The following MACROD2 variants were observed in gnomAD, a reference collection of about 807,000 sequenced individuals.
MACROD2 encodes the protein ADP-ribose glycohydrolase MACROD2.
In MACROD2, 36 loss-of-function variants were observed where a neutral mutation model predicts 70.4. That is an observed-to-expected ratio of 0.51 (90% CI 0.39 to 0.68). The LOEUF is 0.68. Among genes scored for constraint, MACROD2 ranks in the 30% least tolerant of loss-of-function variants. The pLI is 0.00. For synonymous variants in MACROD2, 172 were observed against 178.8 expected (o/e 0.96, Z 0.30); for missense variants, 496 against 538.4 (o/e 0.92, Z 0.78).
Position 15,590,152 on chromosome 20 carries a change from T to G in MACROD2, c.645+90305T>G, listed in dbSNP as rs570158467. On this transcript the variant is annotated intron_variant, in intron 8 of 17. Coordinates refer to ENST00000684519, the MANE Select transcript of MACROD2 (RefSeq NM_001351661.2). ...GATGGAATATGAAAGGTGTGGAAAT[T>G]TGTGTTATTAATATTGTTACTTTCA... 3.8e-4 allele frequency among the ~76,000 whole-genome samples: 58 copies of G among 152,312 alleles called. 2 individuals are homozygous for G. The South Asian group carries it at 0.012, about 30-fold the overall frequency.
chr20:14,820,773 A>G (rs774206224), intron 5 of MACROD2, among the ~76,000 whole-genome samples: 1 of 151,938 alleles, frequency 6.6e-6, no homozygotes, highest in Non-Finnish European at 1.5e-5. Flanking sequence ...ATTGATTCAT[A>G]GGGATTTTAC....
Position 15,866,459 on chromosome 20 carries a change from G to GA in MACROD2, c.727+3642dup, listed in dbSNP as rs540497840. 5.3e-5 allele frequency among the ~76,000 whole-genome samples: 8 copies of GA among 149,580 alleles called. No individual in the cohort carries two copies. The South Asian group carries it at 8.4e-4, about 16-fold the overall frequency. On this transcript the variant is annotated intron_variant, in intron 9 of 17. Transcript: ENST00000684519. The stretch of plus-strand genomic sequence containing the variant: ...GATTTTAAAACCAAAAGGAAAAAAA[G>GA]AAAAAAAAATGGATGCCAAGGCAGC...
intron 8 of MACROD2, among the ~76,000 whole-genome samples, chr20:15,576,214 A>G (rs962826461): frequency 2.0e-5 from 3 of 152,124 alleles, no homozygotes; most frequent in African/African-American, 7.2e-5. Context: ...ACCACCTTAC[A>G]AGAGATTCAG....
chr20:14,014,813 TG>T (rs2052963948), intron 2 of MACROD2, among the ~76,000 whole-genome samples: 1 of 152,156 alleles, frequency 6.6e-6, no homozygotes, highest in South Asian at 2.1e-4. Flanking sequence ...TGTTTTGTTT[TG>T]TTTTTTTAGA....
chr20:14,102,078 A>G (rs1024089373), intron 3 of MACROD2, among the ~76,000 whole-genome samples: 104 of 130,016 alleles, frequency 8.0e-4, no homozygotes, highest in Middle Eastern at 5.3e-3. Flanking sequence ...ATCTCGGCTC[A>G]CTGCAACCTC....
intron 5 of MACROD2, among the ~76,000 whole-genome samples, chr20:14,751,372 A>G (rs536275647): frequency 6.6e-6 from 1 of 152,048 alleles, no homozygotes; most frequent in Admixed American, 6.5e-5. Flanking sequence ...CACACAGCAC[A>G]TGTACACATG....
chr20:14,587,316 T>A (rs1358206026), intron 4 of MACROD2, among the ~76,000 whole-genome samples: 2 of 151,724 alleles, frequency 1.3e-5, no homozygotes. Context: ...CAGTTAATAT[T>A]TTTTAGTTTT....
chr20:15,406,367 T>G (rs2146316791), intron 6 of MACROD2, among the ~76,000 whole-genome samples: 1 of 152,340 alleles, frequency 6.6e-6, no homozygotes, highest in East Asian at 1.9e-4. Flanking sequence ...TAACAACCCT[T>G]GACCTCCTGG....
intron 6 of MACROD2, among the ~76,000 whole-genome samples, chr20:15,419,796 C>T (rs6043267): frequency 1.3e-5 from 2 of 152,138 alleles, no homozygotes; most frequent in African/African-American, 4.8e-5. Flanking sequence ...ATACATGTTC[C>T]TTAATTATGA....
At chr20:14,423,755 ATTTTTT>A (rs1165796772) in intron 3 of MACROD2, among the ~76,000 whole-genome samples, 2 of 63,088 alleles carry the variant, frequency 3.2e-5, no homozygotes, top group Non-Finnish European at 5.6e-5. Flanking sequence ...GACATCTTAA[ATTTTTT>A]TTTTTTTTTT....
At chr20:14,910,807 C>A (rs2074017475) in intron 5 of MACROD2, among the ~76,000 whole-genome samples, 1 of 152,120 alleles carries the variant, frequency 6.6e-6, no homozygotes, top group East Asian at 1.9e-4. Context: ...TAGGTAACTT[C>A]AGAGTTTAGA....
chr20:14,734,671 C>T (rs2071641021), intron 5 of MACROD2, among the ~76,000 whole-genome samples: 1 of 151,808 alleles, frequency 6.6e-6, no homozygotes, highest in South Asian at 2.1e-4. Context: ...CTTTTGACTC[C>T]ATAGCCAAAA....
At chr20:14,743,123 A>G (rs536698551) in intron 5 of MACROD2, among the ~76,000 whole-genome samples, 40 of 151,436 alleles carry the variant, frequency 2.6e-4, no homozygotes, top group South Asian at 1.0e-3. Context: ...TAAAACTCAA[A>G]TGTATTTTTT....
intron 5 of MACROD2, among the ~76,000 whole-genome samples, chr20:15,228,950 A>G (rs2076935918): frequency 6.6e-6 from 1 of 152,168 alleles, no homozygotes; most frequent in African/African-American, 2.4e-5. Flanking sequence ...TAATACTCCA[A>G]TTACATTAGA....
intron 3 of MACROD2, among the ~76,000 whole-genome samples, chr20:14,220,853 G>A (rs999019307): frequency 6.6e-6 from 1 of 152,142 alleles, no homozygotes; most frequent in Admixed American, 6.6e-5. Flanking sequence ...TCCGCAGGTG[G>A]GGCACTCGCA....
chr20:15,922,018 G>A (rs1456737913), intron 10 of MACROD2, among the ~76,000 whole-genome samples: 1 of 152,168 alleles, frequency 6.6e-6, no homozygotes, highest in Non-Finnish European at 1.5e-5. Context: ...GCTGCTTCTG[G>A]GATATTAACT....
chr20:14,252,370 A>C (rs1451191914), intron 3 of MACROD2, among the ~76,000 whole-genome samples: 1 of 151,960 alleles, frequency 6.6e-6, no homozygotes, highest in Non-Finnish European at 1.5e-5. Flanking sequence ...TTGGTTGGCC[A>C]CCTTTCCCTC....
chr20:15,866,403 T>TATAAATAA (rs371242430), intron 9 of MACROD2, among the ~76,000 whole-genome samples: 3 of 148,528 alleles, frequency 2.0e-5, no homozygotes, highest in African/African-American at 7.5e-5. Context: ...CTCTAAAAAA[T>TATAAATAA]ATAAATAAAT....
chr20:15,164,795 G>A (rs993371976), intron 5 of MACROD2, among the ~76,000 whole-genome samples: 7 of 152,146 alleles, frequency 4.6e-5, no homozygotes, highest in Admixed American at 1.3e-4. Flanking sequence ...CAGTTACTTT[G>A]TAGGCTAAGG....
Sources: allele counts gnomAD v4.1 joint callset (sites outside exome capture counted in the v4.1 genomes callset), GRCh38; gene constraint gnomAD v4.1.1; transcripts MANE v1.5; gene names NCBI Gene and HGNC (gene_info 2026-07-23, HGNC 2026-07-21).